IL22RA1: variants seen among roughly 807,000 people sequenced by gnomAD.
IL22RA1 encodes the protein interleukin 22 receptor subunit alpha 1.
In IL22RA1, 25 loss-of-function variants were observed where a neutral mutation model predicts 32.8. The observed-to-expected ratio is 0.76, with a 90% CI of 0.55 to 1.06. IL22RA1 has a LOEUF of 1.06. Ranked by LOEUF, IL22RA1 falls within the 50% of genes least tolerant of loss-of-function variation. The pLI is 0.00. For missense variants in IL22RA1, 709 were observed against 727.4 expected, an observed-to-expected ratio of 0.97 and a Z score of 0.29; for synonymous variants, 305 against 305.0, an observed-to-expected ratio of 1.00 and a Z score of 0.00.
intron 6 of IL22RA1, among the ~76,000 whole-genome samples, chr1:24,123,038 T>G (rs951785645): frequency 1.3e-4 from 20 of 152,116 alleles, no homozygotes; most frequent in African/African-American, 4.3e-4. Context: ...CACACTACCC[T>G]CCTGGTGCTG....
Position 24,143,094 on chromosome 1 carries a change from C to G in IL22RA1, c.-12G>C. On this transcript the variant is annotated 5_prime_UTR_variant, in exon 1 of 7. Coordinates refer to ENST00000270800, the MANE Select transcript of IL22RA1 (RefSeq NM_021258.4). Reference sequence around the variant, plus strand: ...AGCAGCGTCCTCATCGGGGCTGGCACAGAGCCCTCCCTTGGCCTCTACTCT... The same window carrying G: ...AGCAGCGTCCTCATCGGGGCTGGCAGAGAGCCCTCCCTTGGCCTCTACTCT... 1 of 1,611,542 alleles carries G rather than the reference C, an allele frequency of 6.2e-7. No individual in the cohort carries two copies. The highest frequency in any genetic ancestry group is 8.5e-7 in the Non-Finnish European group (1 of 1,178,986).
intron 2 of IL22RA1, among the ~76,000 whole-genome samples, chr1:24,137,586 G>A (rs180735021): frequency 8.3e-5 from 12 of 145,180 alleles, no homozygotes; most frequent in Non-Finnish European, 1.6e-4. Context: ...GTGCAGTCTT[G>A]GCTCACTGCA....
rs1644118636 is a variant in IL22RA1, at chr1:24,121,282, A to C, written c.1248T>G (p.Thr416=). 1.2e-6 allele frequency: 2 copies of C among 1,613,992 alleles called. No homozygotes were observed. The highest frequency in any genetic ancestry group is 1.7e-6 in the Non-Finnish European group (2 of 1,179,938). ...CMEGSGKDSP[T]GTLSSPKHLR... ...GGTGTTTAGGACTAGAAAGTGTCCC[A>C]GTGGGGGAGTCTTTGCCAGAACCTT... The change falls in exon 7 of 7, where the codon ACT becomes ACG. Residue 416 remains threonine, a synonymous_variant. Transcript: ENST00000270800.
chr1:24,138,374 G>A (rs982460981), intron 2 of IL22RA1, among the ~76,000 whole-genome samples: 6 of 152,178 alleles, frequency 3.9e-5, no homozygotes, highest in Non-Finnish European at 2.9e-5. Context: ...TTTAAGCCCA[G>A]ACAGCCTGAC....
Position 24,120,628 on chromosome 1 carries a change from C to T in IL22RA1, c.*177G>A, listed in dbSNP as rs1644113025. The T allele has an allele frequency of 1.6e-6, 1 of 617,972 alleles. No homozygotes were observed. The highest frequency in any genetic ancestry group is 2.8e-6 in the Non-Finnish European group (1 of 356,310). The allele number at this position is 617,972 out of a possible 1,614,324, so 38.3% of individuals were successfully genotyped here. A position where few individuals can be genotyped will look rare whatever the true frequency, so the allele number is the denominator to read the frequency against. ...GCAGTCCTTATCATGCTGCTTTGCTCCGGTGAGGAGCGCACCCATGGCAGG... is the reference window on the plus strand; with the variant it reads ...GCAGTCCTTATCATGCTGCTTTGCTTCGGTGAGGAGCGCACCCATGGCAGG... On this transcript the variant is annotated 3_prime_UTR_variant, in exon 7 of 7. Coordinates refer to ENST00000270800, the MANE Select transcript of IL22RA1 (RefSeq NM_021258.4).
chr1:24,141,025 G>A (rs911162814), intron 1 of IL22RA1, among the ~76,000 whole-genome samples: 7 of 152,228 alleles, frequency 4.6e-5, no homozygotes, highest in Admixed American at 3.3e-4. Context: ...AGAATGGTCC[G>A]ACCCCGCTGC....
intron 6 of IL22RA1, among the ~76,000 whole-genome samples, chr1:24,121,940 T>C (rs1000792823): frequency 6.6e-6 from 1 of 152,134 alleles, no homozygotes; most frequent in Non-Finnish European, 1.5e-5. Context: ...CTCAGCTCTT[T>C]GGTTCTAAAG....
In IL22RA1 at chr1:24,128,199, G is replaced by A. The variant is rs769910295; in HGVS notation, c.612C>T (p.Cys204=). The A allele has an allele frequency of 1.9e-6, 3 of 1,604,622 alleles. No individual in the cohort carries two copies. Among genetic ancestry groups the A allele is most frequent in the South Asian group, 1.1e-5 (1 of 90,000 alleles). The change falls in exon 5 of 7, where the codon TGC becomes TGT. Residue 204 remains cysteine, a synonymous_variant. Transcript: ENST00000270800. ...CACTCTCCTTGGCCCAGGTGGGAAC[G>A]CAAATCATGATGGTGCCAAGGAACT... ...DTEFLGTIMI[C]VPTWAKESAP... is the part of the protein sequence containing the mutation.
intron 1 of IL22RA1, 64 bp from the exon 2 acceptor site, chr1:24,138,778 CTCAG>C (rs1644260865): frequency 3.8e-6 from 6 of 1,575,970 alleles, no homozygotes; most frequent in Non-Finnish European, 5.2e-6. Flanking sequence ...CATGTATGGG[CTCAG>C]TCAGAGTCCT....
chr1:24,137,891 T>C (rs1644253347), intron 2 of IL22RA1, among the ~76,000 whole-genome samples: 1 of 152,228 alleles, frequency 6.6e-6, no homozygotes, highest in African/African-American at 2.4e-5. Flanking sequence ...AGTGTGCATG[T>C]GGAGAGCCAG....
At position 24,138,761 on chromosome 1, in the gene IL22RA1, C is replaced by T. The variant is rs376620895; in HGVS notation, c.44-47G>A. 1.1e-5 allele frequency: 17 copies of T among 1,600,814 alleles called. No homozygotes were observed. In the East Asian group the frequency reaches 3.2e-4, roughly 30 times the overall value. ...GTGAGCAGGGGCTTTCCCAGGGTCA[C>T]CCTGCCCATGTATGGGCTCAGTCAG... On this transcript the variant is annotated intron_variant, in intron 1 of 6. Transcript: ENST00000270800.
chr1:24,138,794 C>A, intron 1 of IL22RA1, 80 bp from the exon 2 acceptor site: 2 of 1,503,340 alleles, frequency 1.3e-6, no homozygotes, highest in South Asian at 1.2e-5. Context: ...CAGAGTCCTG[C>A]CCCATATAAA....
At chr1:24,138,793 G>A (rs1004433193) in intron 1 of IL22RA1, 79 bp from the exon 2 acceptor site, 3 of 1,504,638 alleles carry the variant, frequency 2.0e-6, no homozygotes, top group Non-Finnish European at 2.7e-6. Flanking sequence ...TCAGAGTCCT[G>A]CCCCATATAA....
Position 24,134,326 on chromosome 1 carries a change from A to C in IL22RA1, c.416T>G (p.Val139Gly). ...ISKVRSIQMIVHPTPTPIRAG... is the reference protein window; with the variant it reads ...ISKVRSIQMIGHPTPTPIRAG... ...ACGGATTGGCGTGGGGGTAGGATGA[A>C]CAATCATCTGAATCGATCTCACTTT... is the stretch of plus-strand genomic sequence containing the variant. Residue 139 changes from valine to glycine, a missense_variant, in exon 4 of 7, where the codon GTT becomes GGT. Physicochemically the swap from Val to Gly is moderately radical, Grantham distance 109. Coordinates refer to ENST00000270800, the MANE Select transcript of IL22RA1 (RefSeq NM_021258.4). 6.2e-7 allele frequency: 1 copy of C among 1,604,672 alleles called. No individual in the cohort carries two copies. The highest frequency in any genetic ancestry group is 8.5e-7 in the Non-Finnish European group (1 of 1,175,362).
At chr1:24,127,803 C>G (rs1644175875) in intron 5 of IL22RA1, among the ~76,000 whole-genome samples, 1 of 152,130 alleles carries the variant, frequency 6.6e-6, no homozygotes. Flanking sequence ...ATTGAGGGAT[C>G]TTTTTATCTT....
chr1:24,134,452 C>T, intron 3 of IL22RA1, 66 bp from the exon 4 acceptor site: 1 of 1,228,770 alleles, frequency 8.1e-7, no homozygotes, highest in Non-Finnish European at 1.1e-6. Flanking sequence ...TCTGAGGCAA[C>T]CTTGGACAGT....
At chr1:24,126,817 G>A (rs1334637927) in intron 5 of IL22RA1, among the ~76,000 whole-genome samples, 1 of 152,120 alleles carries the variant, frequency 6.6e-6, no homozygotes, top group East Asian at 1.9e-4. Context: ...TGATGCTTGT[G>A]ATGAGAATCA....
At chr1:24,132,590 C>T (rs1644213864) in intron 4 of IL22RA1, among the ~76,000 whole-genome samples, 1 of 151,852 alleles carries the variant, frequency 6.6e-6, no homozygotes, top group African/African-American at 2.4e-5. Context: ...CCTCGGCCTC[C>T]CAAAGTGCTG....
At chr1:24,140,078 CAAT>C (rs1436036613) in intron 1 of IL22RA1, among the ~76,000 whole-genome samples, 2 of 152,216 alleles carry the variant, frequency 1.3e-5, no homozygotes, top group Non-Finnish European at 1.5e-5. Flanking sequence ...AGACAAACAA[CAAT>C]GACAACAGCA....
Sources: gnomAD v4.1 joint callset for allele counts (sites outside exome capture counted in the v4.1 genomes callset) on GRCh38, gnomAD v4.1.1 for gene constraint, MANE v1.5 for transcripts, NCBI Gene and HGNC (gene_info 2026-07-23, HGNC 2026-07-21) for gene names.